The following SLC28A3 variants were observed in gnomAD, a reference collection of about 807,000 sequenced individuals.
SLC28A3 encodes solute carrier family 28 member 3.
A neutral mutation model predicts 84.2 loss-of-function variants in SLC28A3; 68 were observed. The observed-to-expected ratio is 0.81, with a 90% confidence interval of 0.66 to 0.99. SLC28A3 has a LOEUF of 0.99. SLC28A3 is among the 50% of genes least tolerant of loss of function. SLC28A3 has a pLI of 0.00. For missense variants in SLC28A3, 712 were observed against 841.5 expected (o/e 0.85, Z 1.90); for synonymous variants, 267 against 303.6 (o/e 0.88, Z 1.25).
At position 84,279,374 on chromosome 9, in the gene SLC28A3, TG is replaced by T; in HGVS notation, c.1839del (p.Ser614AlafsTer12). 1 of 1,589,886 alleles carries T rather than the reference TG, an allele frequency of 6.3e-7. No homozygotes were observed. Among genetic ancestry groups the T allele is most frequent in the South Asian group, 1.2e-5 (1 of 85,772 alleles). On this transcript the variant is annotated frameshift_variant, in exon 17 of 18. Coordinates refer to ENST00000376238, the MANE Select transcript of SLC28A3 (RefSeq NM_001199633.2). LOFTEE classifies it high-confidence loss of function. The stretch of plus-strand genomic sequence containing the variant: ...TGGCAGTTGATGTCCACAGGAGTGC[TG>T]GAGAGTATGCCTAGAAGTGGAACAG... ...FMTACIAGIL[S>X]STPVDINCHH...
upstream of SLC28A3, among the ~76,000 whole-genome samples, chr9:84,345,237 C>CAA (rs386415324): frequency 0.015 from 2,113 of 138,746 alleles, 35 homozygotes; most frequent in African/African-American, 0.04. Flanking sequence ...TTACCAAAGG[C>CAA]AAAAAAAAAA....
In SLC28A3 at chr9:84,316,323, A is replaced by G. The variant is rs80108168; in HGVS notation, c.61-2869T>C. ...TGACACATGGTCACCTAGGAAAAAG[A>G]TTACATATCCAAGCTTCCCTTGCAA... On this transcript the variant is annotated intron_variant, in intron 1 of 17. Coordinates refer to ENST00000376238, the MANE Select transcript of SLC28A3 (RefSeq NM_001199633.2). 2.4e-3 allele frequency among the ~76,000 whole-genome samples: 361 copies of G among 152,360 alleles called. 2 individuals carry two copies. Among genetic ancestry groups the G allele is most frequent in the African/African-American group, 8.4e-3 (348 of 41,588 alleles).
chr9:84,337,432 C>CTGTGTGTGTGTG (rs111293078), intron 1 of SLC28A3, among the ~76,000 whole-genome samples: 4,034 of 151,294 alleles, frequency 0.027, 137 homozygotes, highest in East Asian at 0.09. Flanking sequence ...GGATGCTAGC[C>CTGTGTGTGTGTG]TGTGTGTGTG....
At chr9:84,343,818 A>G (rs1302918542), upstream of SLC28A3, among the ~76,000 whole-genome samples, 6 of 152,182 alleles carry the variant, frequency 3.9e-5, no homozygotes, top group Non-Finnish European at 8.8e-5. Flanking sequence ...AATATCCACT[A>G]CCTGGCTGAT....
the SLC28A3 span, among the ~76,000 whole-genome samples, chr9:84,363,049 C>T: frequency 1.3e-5 from 2 of 152,262 alleles, no homozygotes; most frequent in South Asian, 4.1e-4. Flanking sequence ...AGTACCATTG[C>T]TTTATTTACG....
intron 9 of SLC28A3, among the ~76,000 whole-genome samples, 153 bp from the exon 10 acceptor site, chr9:84,292,901 T>C (rs890900740): frequency 2.6e-5 from 4 of 152,372 alleles, no homozygotes; most frequent in Non-Finnish European, 2.9e-5. Context: ...GTTTAACTTA[T>C]TGAGCCCCTA....
chr9:84,362,328 T>C, the SLC28A3 span, among the ~76,000 whole-genome samples: 1 of 152,126 alleles, frequency 6.6e-6, no homozygotes, highest in Non-Finnish European at 1.5e-5. Flanking sequence ...AAGTCAGAGC[T>C]AAAGATAGAA....
At chr9:84,288,773 C>T (rs1480343452) in intron 11 of SLC28A3, among the ~76,000 whole-genome samples, 1 of 152,070 alleles carries the variant, frequency 6.6e-6, no homozygotes, top group East Asian at 1.9e-4. Context: ...TCTTGAACTC[C>T]CAACCTCAGG....
the SLC28A3 span, among the ~76,000 whole-genome samples, chr9:84,363,492 T>C: frequency 6.6e-6 from 1 of 152,184 alleles, no homozygotes; most frequent in East Asian, 1.9e-4. Context: ...AGCAAGGTGC[T>C]CTAGGGCTGG....
chr9:84,276,822 G>C lies in SLC28A3; in HGVS notation c.*1396C>G, dbSNP rs1206315922. The C allele has an allele frequency of 2.0e-5, 3 of 152,148 alleles. No individual in the cohort carries two copies. The highest frequency in any genetic ancestry group is 4.4e-5 in the Non-Finnish European group (3 of 68,022). The allele number at this position is 152,148 out of a possible 1,614,324, so 9.4% of individuals were successfully genotyped here. On this transcript the variant is annotated 3_prime_UTR_variant, in exon 18 of 18. Coordinates refer to ENST00000376238, the MANE Select transcript of SLC28A3 (RefSeq NM_001199633.2). ...TTTAAATTACTCTTGTACACAAACAGAAGGAAAAATAGAAACAAAATAAAT... is the reference window on the plus strand; with the variant it reads ...TTTAAATTACTCTTGTACACAAACACAAGGAAAAATAGAAACAAAATAAAT...
intron 17 of SLC28A3, 184 bp from the exon 18 acceptor site, chr9:84,278,528 C>T: frequency 1.5e-6 from 1 of 653,506 alleles, no homozygotes; most frequent in Non-Finnish European, 2.5e-6. Context: ...TCTGGGTGTC[C>T]TCAAGAACTT....
chr9:84,335,646 C>T (rs950047173), intron 1 of SLC28A3, among the ~76,000 whole-genome samples: 2 of 151,972 alleles, frequency 1.3e-5, no homozygotes, highest in Non-Finnish European at 2.9e-5. Context: ...AGCTGCTCAG[C>T]ATCAAAAGCT....
At chr9:84,343,150 C>T (rs1827197705), upstream of SLC28A3, among the ~76,000 whole-genome samples, 1 of 151,790 alleles carries the variant, frequency 6.6e-6, no homozygotes, top group Non-Finnish European at 1.5e-5. Context: ...CGCCACCGCA[C>T]TCCAGACTGG....
intron 6 of SLC28A3, among the ~76,000 whole-genome samples, chr9:84,298,351 G>A (rs931641636): frequency 6.6e-6 from 1 of 152,050 alleles, no homozygotes; most frequent in Non-Finnish European, 1.5e-5. Flanking sequence ...GCCAGGCGTG[G>A]TGGTGAATGC....
At position 84,333,732 on chromosome 9, in the gene SLC28A3, T is replaced by C. The variant is rs940206004; in HGVS notation, c.60+6842A>G. On this transcript the variant is annotated intron_variant, in intron 1 of 17. Transcript: ENST00000376238. ...GGTAAAATCACTTAGGAAACCAATC[T>C]GACACTATCAGCAAAGTTGAAAGTA... Among the ~76,000 whole-genome samples the C allele has an allele frequency of 5.9e-5, 9 of 152,306 alleles. No individual in the cohort carries two copies. The East Asian group carries it at 1.2e-3, about 20-fold the overall frequency.
chr9:84,285,697 G>C (rs557438134), intron 13 of SLC28A3, among the ~76,000 whole-genome samples, 155 bp from the exon 14 acceptor site: 1 of 152,260 alleles, frequency 6.6e-6, no homozygotes, highest in African/African-American at 2.4e-5. Context: ...ATCAGGGCTA[G>C]AAATCGGTCA....
At chr9:84,367,905 C>T in the SLC28A3 span, among the ~76,000 whole-genome samples, 2 of 152,202 alleles carry the variant, frequency 1.3e-5, no homozygotes, top group African/African-American at 4.8e-5. Flanking sequence ...GAATGGTCGG[C>T]TTCACACGGA....
At chr9:84,285,833 G>A (rs1588562625) in intron 13 of SLC28A3, 110 bp downstream of exon 13, 5 of 1,241,928 alleles carry the variant, frequency 4.0e-6, no homozygotes, top group Middle Eastern at 2.7e-4. Flanking sequence ...AAGCTTCTAC[G>A]GTGTGGAAGA....
At chr9:84,348,072 A>G in the SLC28A3 span, among the ~76,000 whole-genome samples, 24 of 152,174 alleles carry the variant, frequency 1.6e-4, no homozygotes, top group Non-Finnish European at 3.1e-4. Flanking sequence ...CAGGGTTGGC[A>G]CTTGAAAATA....
Sources: allele counts gnomAD v4.1 joint callset (sites outside exome capture counted in the v4.1 genomes callset), GRCh38; gene constraint gnomAD v4.1.1; transcripts MANE v1.5; gene names NCBI Gene and HGNC (gene_info 2026-07-23, HGNC 2026-07-21).